ARID1B: variants seen among roughly 807,000 people sequenced by gnomAD.
The protein encoded by ARID1B is AT-rich interactive domain-containing protein 1B.
ARID1B carries 30 observed loss-of-function variants against 212.3 expected under a neutral mutation model. The ratio of observed to expected loss-of-function variants is 0.14; its 90% CI spans 0.11 to 0.19. ARID1B has a LOEUF of 0.19. Among genes scored for constraint, ARID1B ranks in the 10% least tolerant of loss-of-function variants. The pLI is 1.00. For missense variants in ARID1B, 2,891 were observed against 3,204.0 expected (o/e 0.90, Z 2.36); for synonymous variants, 1,402 against 1,301.7 (o/e 1.08, Z -1.66).
intron 4 of ARID1B, among the ~76,000 whole-genome samples, chr6:157,064,595 G>T (rs80015385): frequency 0.015 from 2,335 of 152,256 alleles, 63 homozygotes; most frequent in African/African-American, 0.053. Flanking sequence ...AGTGGAGAAC[G>T]CACAACCCTG....
In ARID1B at chr6:156,812,066, G is replaced by A. The variant is rs181471474; in HGVS notation, c.1792-17161G>A. On this transcript the variant is annotated intron_variant, in intron 1 of 19. Coordinates refer to ENST00000636930, the MANE Select transcript of ARID1B (RefSeq NM_001374828.1). ...TGTAAATCACCTATAGTGTGCCGAG[G>A]GCACAGGAGGTGCTCATTAAATGTT... 7.9e-5 allele frequency among the ~76,000 whole-genome samples: 12 copies of A among 152,326 alleles called. 1 individual carries two copies. The East Asian group carries it at 2.3e-3, about 29-fold the overall frequency.
intron 4 of ARID1B, chr6:156,939,771 T>C (rs1792526797): frequency 1.3e-5 from 2 of 151,716 alleles, no homozygotes; most frequent in Non-Finnish European, 2.9e-5. Context: ...GGAAAAGAAG[T>C]GGACACTTTG....
At chr6:156,921,438 AAC>A (rs10560265) in intron 3 of ARID1B, among the ~76,000 whole-genome samples, 5,315 of 135,620 alleles carry the variant, frequency 0.039, 109 homozygotes, top group African/African-American at 0.063. Flanking sequence ...TTGATGGGAA[AAC>A]ACACACACAC....
intron 4 of ARID1B, among the ~76,000 whole-genome samples, chr6:157,082,781 G>C (rs560288051): frequency 2.0e-5 from 3 of 152,292 alleles, no homozygotes; most frequent in South Asian, 2.1e-4. Flanking sequence ...TTGCTGTTCT[G>C]TTGTTTCCCA....
chr6:156,927,245 C>T (rs1791297874), intron 3 of ARID1B, among the ~76,000 whole-genome samples: 1 of 152,054 alleles, frequency 6.6e-6, no homozygotes, highest in African/African-American at 2.4e-5. Flanking sequence ...TAGGATTTTC[C>T]TCCATCTCCT....
intron 11 of ARID1B, among the ~76,000 whole-genome samples, chr6:157,178,233 C>T (rs965480391): frequency 1.1e-4 from 17 of 152,008 alleles, no homozygotes; most frequent in African/African-American, 3.1e-4. Flanking sequence ...ATGTTCCAAG[C>T]GTTTCACACC....
At chr6:157,065,151 A>G (rs1783588537) in intron 4 of ARID1B, among the ~76,000 whole-genome samples, 1 of 152,264 alleles carries the variant, frequency 6.6e-6, no homozygotes, top group South Asian at 2.1e-4. Context: ...TAACCCATAC[A>G]TAACTGTGCT....
At chr6:157,150,726 C>A (rs1167068505) in intron 8 of ARID1B, 1 of 178,908 alleles carries the variant, frequency 5.6e-6, no homozygotes. Flanking sequence ...CCACTTTAGG[C>A]CACCATACAT....
chr6:156,966,374 T>A (rs1794737986), intron 4 of ARID1B, among the ~76,000 whole-genome samples: 1 of 113,448 alleles, frequency 8.8e-6, no homozygotes, highest in Admixed American at 9.5e-5. Context: ...TAAATAACTT[T>A]TCTTTTCTTT....
intron 4 of ARID1B, among the ~76,000 whole-genome samples, chr6:156,979,332 G>T (rs949102647): frequency 2.0e-5 from 3 of 152,162 alleles, no homozygotes; most frequent in African/African-American, 7.2e-5. Context: ...TTCAGAATAT[G>T]GTGTTAGGTG....
chr6:157,209,777 A>ATAT lies in ARID1B; in HGVS notation c.*1890_*1892dup, dbSNP rs923696187. ...AAAGTGATGATTTCTATTTCAGGGC[A>ATAT]TATTATGGTTCTCATATTCCTTCCT... On this transcript the variant is annotated 3_prime_UTR_variant, in exon 20 of 20. Transcript: ENST00000636930. 4 of 233,162 alleles carry ATAT rather than the reference A, an allele frequency of 1.7e-5. No homozygotes were observed. The allele number at this position is 233,162 out of a possible 1,614,324, so 14.4% of individuals were successfully genotyped here. A position where few individuals can be genotyped will look rare whatever the true frequency, so the allele number is the denominator to read the frequency against.
intron 1 of ARID1B, among the ~76,000 whole-genome samples, chr6:156,812,135 C>T (rs533027057): frequency 8.7e-4 from 133 of 152,240 alleles, no homozygotes; most frequent in Non-Finnish European, 1.5e-3. Flanking sequence ...CTGCATCTCT[C>T]TCTCTCTCTT....
At chr6:156,993,402 T>C (rs1225384862) in intron 4 of ARID1B, among the ~76,000 whole-genome samples, 1 of 152,232 alleles carries the variant, frequency 6.6e-6, no homozygotes, top group Non-Finnish European at 1.5e-5. Flanking sequence ...AATTTCTTTT[T>C]GGCCTCAAGT....
intron 4 of ARID1B, among the ~76,000 whole-genome samples, chr6:157,058,367 C>T (rs778526744): frequency 4.6e-5 from 7 of 151,436 alleles, no homozygotes; most frequent in African/African-American, 7.3e-5. Context: ...CGGGTTCAAG[C>T]GATTCTCCTG....
At chr6:156,787,041 T>C (rs1779690580) in intron 1 of ARID1B, among the ~76,000 whole-genome samples, 1 of 151,890 alleles carries the variant, frequency 6.6e-6, no homozygotes. Context: ...GTTGATGTGA[T>C]CTAGTGACTC....
intron 1 of ARID1B, among the ~76,000 whole-genome samples, chr6:156,803,091 T>C (rs1324123842): frequency 6.6e-6 from 1 of 152,168 alleles, no homozygotes; most frequent in Non-Finnish European, 1.5e-5. Context: ...ATTACTGCTA[T>C]AGCGATAGGT....
At chr6:156,908,765 C>T (rs1460791088) in intron 3 of ARID1B, among the ~76,000 whole-genome samples, 2 of 151,776 alleles carry the variant, frequency 1.3e-5, no homozygotes, top group African/African-American at 4.8e-5. Context: ...TTTTTGAAGA[C>T]ATTTTTATTG....
In ARID1B at chr6:156,887,101, T is replaced by G. The variant is rs898500803; in HGVS notation, c.1987-14275T>G. On this transcript the variant is annotated intron_variant, in intron 2 of 19. Transcript: ENST00000636930. ...TTATAAACCCACTCCTCATTTGTTA[T>G]GAGAACATTCTGAAACTCAGGAAGG... Among the ~76,000 whole-genome samples the G allele has an allele frequency of 2.0e-5, 3 of 152,256 alleles. 1 individual carries two copies. Among genetic ancestry groups the G allele is most frequent in the African/African-American group, 7.2e-5 (3 of 41,466 alleles).
At chr6:157,198,387 T>A (rs7749604) in intron 16 of ARID1B, 4,485 of 160,898 alleles carry the variant, frequency 0.028, 226 homozygotes, top group African/African-American at 0.1. Context: ...TGTAGGAACA[T>A]TGCCTTTGAG....
Sources: allele counts gnomAD v4.1 joint callset (sites outside exome capture counted in the v4.1 genomes callset), GRCh38; gene constraint gnomAD v4.1.1; transcripts MANE v1.5; gene names NCBI Gene and HGNC (gene_info 2026-07-23, HGNC 2026-07-21).